HIVEP3: variants seen among roughly 807,000 people sequenced by gnomAD.
HIVEP3 encodes the protein transcription factor HIVEP3.
A neutral mutation model predicts 152.8 loss-of-function variants in HIVEP3; 49 were observed. That is an observed-to-expected ratio of 0.32 (90% confidence interval 0.26 to 0.41). HIVEP3 has a LOEUF of 0.41. Ranked by LOEUF, HIVEP3 falls within the 10% of genes least tolerant of loss-of-function variation. The pLI, the probability that HIVEP3 is intolerant of heterozygous loss-of-function variation, is 1.00. For missense variants in HIVEP3, 2,790 were observed against 3,103.3 expected (o/e 0.90, Z 2.40); for synonymous variants, 1,269 against 1,289.0 (o/e 0.98, Z 0.33).
At chr1:41,851,020 C>T (rs6681556) in intron 1 of HIVEP3, among the ~76,000 whole-genome samples, 10,446 of 152,240 alleles carry the variant, frequency 0.069, 494 homozygotes, top group Middle Eastern at 0.12. Context: ...TCTCACTCCC[C>T]TCCTGCCAGT....
At chr1:41,519,393 G>C (rs1237019179) in intron 6 of HIVEP3, among the ~76,000 whole-genome samples, 1 of 152,202 alleles carries the variant, frequency 6.6e-6, no homozygotes, top group African/African-American at 2.4e-5. Context: ...CATTTCACAG[G>C]CCACACAGCT....
chr1:41,943,015 T>C (rs1192807196), intron 1 of HIVEP3, among the ~76,000 whole-genome samples: 2 of 152,164 alleles, frequency 1.3e-5, no homozygotes, highest in African/African-American at 2.4e-5. Flanking sequence ...TTCTCCTGCC[T>C]CAGCCTCCCA....
intron 8 of HIVEP3, 36 bp downstream of exon 8, chr1:41,512,780 G>A (rs1321006537): frequency 1.4e-6 from 2 of 1,449,526 alleles, no homozygotes; most frequent in Non-Finnish European, 1.8e-6. Context: ...CACCCACAGG[G>A]GAGAAGCGGC....
chr1:41,918,173 T>C lies in HIVEP3; in HGVS notation c.-801+240A>G, dbSNP rs1043617679. 4.0e-5 allele frequency among the ~76,000 whole-genome samples: 6 copies of C among 151,390 alleles called. No homozygotes were observed. Among genetic ancestry groups the C allele is most frequent in the African/African-American group, 1.5e-4 (6 of 41,300 alleles). Reference sequence around the variant, plus strand: ...GGGGGTCACTTGAGGCTCGCGCCGCTCCCCAGCACCAGGCCGAGCAGCGCG... The same window carrying C: ...GGGGGTCACTTGAGGCTCGCGCCGCCCCCCAGCACCAGGCCGAGCAGCGCG... On this transcript the variant is annotated intron_variant, in intron 1 of 8. Coordinates refer to ENST00000372583, the MANE Select transcript of HIVEP3 (RefSeq NM_024503.5). The surrounding 1 kb of genome is among the most constrained non-coding windows in gnomAD (Gnocchi z 4.3).
At chr1:41,751,486 C>T (rs1233284142) in intron 1 of HIVEP3, among the ~76,000 whole-genome samples, 1 of 152,040 alleles carries the variant, frequency 6.6e-6, no homozygotes, top group Admixed American at 6.6e-5. Flanking sequence ...CTGCACCTTC[C>T]CCTTGAGCTC....
intron 1 of HIVEP3, among the ~76,000 whole-genome samples, chr1:41,945,680 C>T (rs1430282671): frequency 6.6e-6 from 1 of 152,014 alleles, no homozygotes; most frequent in Non-Finnish European, 1.5e-5. Context: ...AGATTGGTGC[C>T]GCAGACATTT....
chr1:41,723,193 G>C (rs2124172010), intron 1 of HIVEP3, among the ~76,000 whole-genome samples: 1 of 152,260 alleles, frequency 6.6e-6, no homozygotes, highest in African/African-American at 2.4e-5. Flanking sequence ...GGTAAGACAA[G>C]GCTGTTAGCA....
chr1:41,730,574 C>T (rs765896451), intron 1 of HIVEP3, among the ~76,000 whole-genome samples: 11 of 152,246 alleles, frequency 7.2e-5, no homozygotes, highest in Non-Finnish European at 1.3e-4. Context: ...CAGGGGCACG[C>T]TGCAAATGCA....
chr1:41,765,737 A>T (rs1188044218), intron 1 of HIVEP3, among the ~76,000 whole-genome samples: 1 of 152,192 alleles, frequency 6.6e-6, no homozygotes, highest in South Asian at 2.1e-4. Context: ...AACACTTGGC[A>T]TACAGTAGGT....
intron 1 of HIVEP3, among the ~76,000 whole-genome samples, chr1:41,704,547 C>T (rs1646406935): frequency 6.6e-6 from 1 of 152,214 alleles, no homozygotes; most frequent in African/African-American, 2.4e-5. Flanking sequence ...TCTGTTTCTC[C>T]CACTAAGACC....
At chr1:41,832,879 A>G (rs568555278) in intron 1 of HIVEP3, among the ~76,000 whole-genome samples, 5 of 152,218 alleles carry the variant, frequency 3.3e-5, no homozygotes, top group African/African-American at 9.6e-5. Context: ...TGCTGATTTT[A>G]CCCTCCACTC....
intron 1 of HIVEP3, among the ~76,000 whole-genome samples, chr1:41,854,517 C>CTTTTTTTT (rs998972000): frequency 2.9e-5 from 3 of 103,638 alleles, no homozygotes; most frequent in Non-Finnish European, 5.6e-5. Flanking sequence ...TCTTGCTGCA[C>CTTTTTTTT]TTTTTTTTTT....
At chr1:41,547,156 A>G (rs1643823431) in intron 5 of HIVEP3, among the ~76,000 whole-genome samples, 2 of 152,198 alleles carry the variant, frequency 1.3e-5, no homozygotes, top group Non-Finnish European at 2.9e-5. Flanking sequence ...AGGTGACACC[A>G]TATCACACTG....
intron 1 of HIVEP3, among the ~76,000 whole-genome samples, chr1:42,028,340 T>C (rs1384289441): frequency 6.6e-6 from 1 of 152,212 alleles, no homozygotes; most frequent in Non-Finnish European, 1.5e-5. Flanking sequence ...ACAGAATGTG[T>C]GCTGTGGACA....
intron 1 of HIVEP3, among the ~76,000 whole-genome samples, chr1:42,010,290 CTTGT>C (rs1168766648): frequency 2.0e-5 from 3 of 152,130 alleles, no homozygotes; most frequent in Admixed American, 6.6e-5. Flanking sequence ...CAAGTGACTT[CTTGT>C]TTGTTTATCT....
chr1:42,014,513 G>A (rs1032973115), intron 1 of HIVEP3, among the ~76,000 whole-genome samples: 7 of 152,162 alleles, frequency 4.6e-5, no homozygotes, highest in African/African-American at 1.7e-4. Context: ...AAATAAAGCT[G>A]CGCCAACAAT....
intron 1 of HIVEP3, among the ~76,000 whole-genome samples, chr1:41,891,573 G>A (rs1057411766): frequency 5.9e-5 from 9 of 152,152 alleles, no homozygotes; most frequent in Non-Finnish European, 8.8e-5. Flanking sequence ...GGCTGTCATC[G>A]GTGTGTCCCC....
At chr1:41,698,585 T>C (rs898809841) in intron 2 of HIVEP3, among the ~76,000 whole-genome samples, 6 of 152,178 alleles carry the variant, frequency 3.9e-5, no homozygotes, top group African/African-American at 1.4e-4. Context: ...TGAATGCTTC[T>C]CTGTGACAGG....
intron 5 of HIVEP3, among the ~76,000 whole-genome samples, chr1:41,545,191 ACAC>A (rs767005699): frequency 1.1e-4 from 5 of 47,010 alleles, no homozygotes; most frequent in South Asian, 7.6e-4. Flanking sequence ...ACCATCACCA[ACAC>A]CACCACCACC....
Sources: allele counts gnomAD v4.1 joint callset (sites outside exome capture counted in the v4.1 genomes callset), GRCh38; gene constraint gnomAD v4.1.1; non-coding constraint Gnocchi (gnomAD v3.1); transcripts MANE v1.5; gene names NCBI Gene and HGNC (gene_info 2026-07-23, HGNC 2026-07-21).